The following CHSY1 variants were observed in gnomAD, a reference collection of about 807,000 sequenced individuals.
The protein encoded by CHSY1 is chondroitin sulfate synthase 1.
A neutral mutation model predicts 59.8 loss-of-function variants in CHSY1; 13 were observed. The observed-to-expected ratio is 0.22, with a 90% CI of 0.14 to 0.35. CHSY1 has a LOEUF of 0.35. CHSY1 is among the 10% of genes least tolerant of loss of function. CHSY1 has a pLI of 1.00. For missense variants in CHSY1, 947 were observed against 1,030.6 expected (o/e 0.92, Z 1.11); for synonymous variants, 459 against 401.2 (o/e 1.14, Z -1.72).
chr15:101,200,006 C>T (rs937798163), intron 2 of CHSY1, among the ~76,000 whole-genome samples: 3 of 152,204 alleles, frequency 2.0e-5, no homozygotes, highest in Non-Finnish European at 2.9e-5. Flanking sequence ...GAAAAAGTGA[C>T]TCACACAATT....
At chr15:101,189,330 T>A (rs2038413319) in intron 2 of CHSY1, 3 of 577,142 alleles carry the variant, frequency 5.2e-6, no homozygotes, top group Non-Finnish European at 6.5e-6. Flanking sequence ...GCGTCACACG[T>A]GACCCAACAT....
chr15:101,234,639 C>T (rs927000372), intron 2 of CHSY1, among the ~76,000 whole-genome samples: 8 of 152,200 alleles, frequency 5.3e-5, no homozygotes, highest in African/African-American at 1.9e-4. Flanking sequence ...GAGGCTGAGG[C>T]AGGCAGATCA....
chr15:101,251,463 G>T lies in CHSY1; in HGVS notation c.-7C>A. On this transcript the variant is annotated 5_prime_UTR_variant, in exon 1 of 3. Coordinates refer to ENST00000254190, the MANE Select transcript of CHSY1 (RefSeq NM_014918.5). ...GCCGGCCGCGCGCGGCCATGCCCGCGCCGCTCCGCCCGCCGGGCCGCCGCC... is the reference window on the plus strand; with the variant it reads ...GCCGGCCGCGCGCGGCCATGCCCGCTCCGCTCCGCCCGCCGGGCCGCCGCC... The T allele has an allele frequency of 3.6e-6, 2 of 551,622 alleles. No individual in the cohort carries two copies. The highest frequency in any genetic ancestry group is 4.1e-6 in the Non-Finnish European group (2 of 483,788). The allele number at this position is 551,622 out of a possible 1,614,324, so 34.2% of individuals were successfully genotyped here. A position where few individuals can be genotyped will look rare whatever the true frequency, so the allele number is the denominator to read the frequency against.
intron 2 of CHSY1, among the ~76,000 whole-genome samples, chr15:101,198,093 T>G (rs2038528046): frequency 1.3e-5 from 2 of 152,134 alleles, no homozygotes; most frequent in South Asian, 4.2e-4. Context: ...TCTGTCCAGT[T>G]AGGTGTGAAC....
At chr15:101,197,522 C>T (rs1156768220) in intron 2 of CHSY1, among the ~76,000 whole-genome samples, 13 of 152,070 alleles carry the variant, frequency 8.5e-5, no homozygotes, top group Non-Finnish European at 7.4e-5. Flanking sequence ...CTTGTATCTA[C>T]GATTACAGCC....
Position 101,178,175 on chromosome 15 carries a change from G to A in CHSY1, c.1622C>T (p.Ser541Phe). 6.2e-7 allele frequency: 1 copy of A among 1,614,234 alleles called. No individual in the cohort carries two copies. The change falls in exon 3 of 3, where the codon TCT (serine) becomes TTT (phenylalanine). Residue 541 changes from serine to phenylalanine, a missense_variant. Around this residue, in one of 4 missense-constraint regions of CHSY1, gnomAD observed 602 missense variants for 676.9 expected, o/e 0.89. Transcript: ENST00000254190. ...DKKINILIPL[S>F]GRFDMFVRFM... Reference sequence around the variant, plus strand: ...TCTCACAAACATGTCGAAACGCCCAGACAAAGGAATCAGTATGTTTATCTT... The same window carrying A: ...TCTCACAAACATGTCGAAACGCCCAAACAAAGGAATCAGTATGTTTATCTT...
chr15:101,251,495 T>A lies in CHSY1; in HGVS notation c.-39A>T, dbSNP rs1453145235. On this transcript the variant is annotated 5_prime_UTR_variant, in exon 1 of 3. Coordinates refer to ENST00000254190, the MANE Select transcript of CHSY1 (RefSeq NM_014918.5). ...CGCCCGCCGGGCCGCCGCCGCAGGC[T>A]CCGCGCGCCCTCAGCCCGCTGCCCC... The A allele has an allele frequency of 2.1e-5, 1 of 48,596 alleles. No individual in the cohort carries two copies. Among genetic ancestry groups the A allele is most frequent in the Non-Finnish European group, 2.5e-5 (1 of 40,530 alleles). 3.0% of individuals were successfully genotyped at this position (48,596 alleles called of 1,614,324 possible).
At chr15:101,219,797 G>C (rs1036419680) in intron 2 of CHSY1, among the ~76,000 whole-genome samples, 1 of 152,100 alleles carries the variant, frequency 6.6e-6, no homozygotes, top group African/African-American at 2.4e-5. Context: ...ATGGAGTTTC[G>C]CTCGTTTTGC....
chr15:101,249,932 G>A (rs748374872), intron 1 of CHSY1, among the ~76,000 whole-genome samples: 45 of 152,200 alleles, frequency 3.0e-4, no homozygotes, highest in Non-Finnish European at 5.0e-4. Context: ...GTGCAGGAAT[G>A]GGGATCAAGC....
At chr15:101,225,234 A>ATT (rs34639241) in intron 2 of CHSY1, among the ~76,000 whole-genome samples, 8 of 144,780 alleles carry the variant, frequency 5.5e-5, no homozygotes, top group Non-Finnish European at 1.1e-4. Flanking sequence ...TACCCAGCTG[A>ATT]TTTTTTTTTT....
intron 2 of CHSY1, among the ~76,000 whole-genome samples, chr15:101,221,980 T>TA (rs1201628706): frequency 6.6e-6 from 1 of 152,178 alleles, no homozygotes; most frequent in Non-Finnish European, 1.5e-5. Context: ...GCCCGAGCGT[T>TA]AAATTGCTGA....
At position 101,178,015 on chromosome 15, in the gene CHSY1, G is replaced by A; in HGVS notation, c.1782C>T (p.Tyr594=). 1.2e-6 allele frequency: 2 copies of A among 1,614,156 alleles called. No homozygotes were observed. The highest frequency in any genetic ancestry group is 1.1e-5 in the South Asian group (1 of 91,082). Residue 594 remains tyrosine (Y), a synonymous_variant, in exon 3 of 3, where the codon TAC becomes TAT. Coordinates refer to ENST00000254190, the MANE Select transcript of CHSY1 (RefSeq NM_014918.5). The part of the protein sequence containing the change: ...VELMRDYRIK[Y]PKADMQILPV... ...GCAAAATCTGCATGTCGGCTTTAGG[G>A]TACTTAATGCGGTAATCTCTCATCA...
intron 1 of CHSY1, among the ~76,000 whole-genome samples, chr15:101,244,635 T>C (rs1442767214): frequency 6.6e-6 from 1 of 152,252 alleles, no homozygotes; most frequent in Non-Finnish European, 1.5e-5. Flanking sequence ...GTACATCCTT[T>C]GATGTTTCCT....
chr15:101,223,084 C>A (rs953429032), intron 2 of CHSY1, among the ~76,000 whole-genome samples: 4 of 152,236 alleles, frequency 2.6e-5, no homozygotes, highest in South Asian at 2.1e-4. Context: ...ACCTCTGCCC[C>A]CCAGGTTCAA....
rs768393362 is a variant in CHSY1, at chr15:101,177,555, G to A, written c.2242C>T (p.Pro748Ser). Residue 748 changes from proline (P) to serine (S), a missense_variant, in exon 3 of 3, where the codon CCT (proline) becomes TCT (serine). Transcript: ENST00000254190. ...QEVGVVHVHH[P>S]VFCDPNLDPK... is the part of the protein sequence containing the mutation. ...TCAAGATTGGGATCACAAAAGACAG[G>A]ATGGTGGACGTGGACTACTCCTACT... 30 of 1,613,948 alleles carry A rather than the reference G, an allele frequency of 1.9e-5. No individual in the cohort carries two copies. Among genetic ancestry groups the A allele is most frequent in the Non-Finnish European group, 2.4e-5 (28 of 1,179,944 alleles).
chr15:101,251,406 G>A lies in CHSY1; in HGVS notation c.51C>T (p.Val17=), dbSNP rs1192394140. The A allele has an allele frequency of 6.0e-6, 7 of 1,158,370 alleles. No individual in the cohort carries two copies. Among genetic ancestry groups the A allele is most frequent in the Non-Finnish European group, 7.6e-6 (7 of 921,344 alleles). The allele number at this position is 1,158,370 out of a possible 1,614,324, so 71.8% of individuals were successfully genotyped here. The part of the protein sequence containing the change: ...RAWLSVLLGL[V]LGFVLASRLV... ...GCCGCGAGGCCAGCACGAAGCCCAG[G>A]ACGAGCCCGAGCAGCACGCTGAGCC... is the stretch of plus-strand genomic sequence containing the variant. Residue 17 remains valine, a synonymous_variant, in exon 1 of 3, where the codon GTC becomes GTT. Coordinates refer to ENST00000254190, the MANE Select transcript of CHSY1 (RefSeq NM_014918.5).
rs534826933 is a variant in CHSY1 at position 101,190,282 on chromosome 15, G to A, written c.817-11302C>T. On this transcript the variant is annotated intron_variant, in intron 2 of 2. Transcript: ENST00000254190. ...TCTGGGGAAGGGTGGGTGGGGAAGG[G>A]AAGCTAGTAAAGCTTTAAATTCCAT... 2.0e-5 allele frequency among the ~76,000 whole-genome samples: 3 copies of A among 152,148 alleles called. No homozygotes were observed. The East Asian group carries it at 5.8e-4, about 29-fold the overall frequency.
intron 2 of CHSY1, chr15:101,189,545 G>A (rs1441902220): frequency 3.4e-6 from 3 of 880,610 alleles, no homozygotes. Flanking sequence ...TCTGTGTCAA[G>A]TCTAACTGAA....
At position 101,177,679 on chromosome 15, in the gene CHSY1, C is replaced by T. The variant is rs1348696066; in HGVS notation, c.2118G>A (p.Val706=). The T allele has an allele frequency of 6.2e-7, 1 of 1,614,068 alleles. No individual in the cohort carries two copies. The highest frequency in any genetic ancestry group is 1.3e-5 in the African/African-American group (1 of 74,916). Reference sequence around the variant, plus strand: ...CTTGGATGGAAACATCAAAGCCACCCACTCGGACAAGATCTCCCTTATAAA... The same window carrying T: ...CTTGGATGGAAACATCAAAGCCACCTACTCGGACAAGATCTCCCTTATAAA... ...TCIYKGDLVR[V]GGFDVSIQGW... The change falls in exon 3 of 3, where the codon GTG becomes GTA. Residue 706 remains valine (V), a synonymous_variant. Transcript: ENST00000254190.
Sources: gnomAD v4.1 joint callset for allele counts (sites outside exome capture counted in the v4.1 genomes callset) on GRCh38, gnomAD v4.1.1 for gene constraint, gnomAD v4.1.1 regional missense constraint, MANE v1.5 for transcripts, NCBI Gene and HGNC (gene_info 2026-07-23, HGNC 2026-07-21) for gene names.